The following CPO variants were observed in gnomAD, a reference collection of about 807,000 sequenced individuals.
CPO encodes metallocarboxypeptidase C.
Under a neutral mutation model 41.2 loss-of-function variants are expected in CPO, and 43 were observed. The ratio of observed to expected loss-of-function variants is 1.04; its 90% CI spans 0.82 to 1.35. The LOEUF (loss-of-function observed/expected upper bound fraction) is 1.35. CPO is among the 40% of genes most tolerant of loss of function. The probability of loss-of-function intolerance (pLI) is 0.00; values close to 1 mark genes in which losing one functional copy is unlikely to be tolerated. For synonymous variants in CPO, 178 were observed against 162.7 expected (o/e 1.09, Z -0.72); for missense variants, 408 against 451.7 (o/e 0.90, Z 0.88).
At chr2:206,949,955 C>T (rs1241941785) in intron 2 of CPO, among the ~76,000 whole-genome samples, 2 of 152,256 alleles carry the variant, frequency 1.3e-5, no homozygotes, top group South Asian at 4.2e-4. Flanking sequence ...TGAACAAGAA[C>T]ATCCCAACGA....
rs1184409824 is a variant in CPO, at chr2:206,958,393, G to T, written c.360G>T (p.Trp120Cys). The T allele has an allele frequency of 1.9e-6, 3 of 1,582,268 alleles. No individual in the cohort carries two copies. In the Admixed American group the frequency reaches 5.2e-5, roughly 27 times the overall value. ...GGATTGCTCCTGCTTTTTGCCAATG[G>T]TTCGTCAAAGAAGTAAGTGTCTTTA... ...REWIAPAFCQ[W>C]FVKEILQNHK... Residue 120 changes from tryptophan to cysteine, a missense_variant, in exon 4 of 9, where the codon TGG (tryptophan) becomes TGT (cysteine). By Grantham distance (215) the Trp-to-Cys change is radical. Coordinates refer to ENST00000272852, the MANE Select transcript of CPO (RefSeq NM_173077.3).
chr2:206,955,242 T>C (rs1007365104), intron 2 of CPO, among the ~76,000 whole-genome samples: 7 of 152,230 alleles, frequency 4.6e-5, no homozygotes, highest in Non-Finnish European at 1.0e-4. Context: ...AATAACTTAT[T>C]GGTAAAGTGC....
chr2:206,969,070 G>C, intron 8 of CPO, 104 bp from the exon 9 acceptor site: 20 of 1,186,364 alleles, frequency 1.7e-5, no homozygotes, highest in Non-Finnish European at 2.4e-5. Context: ...ATCTAAAAGA[G>C]CTTCTTTATT....
intron 1 of CPO, among the ~76,000 whole-genome samples, chr2:206,943,236 G>C (rs1368734284): frequency 6.6e-6 from 1 of 152,090 alleles, no homozygotes; most frequent in African/African-American, 2.4e-5. Flanking sequence ...GTGAAGGAAG[G>C]AAGAACAGCC....
At chr2:206,960,487 C>A (rs190847324) in intron 5 of CPO, among the ~76,000 whole-genome samples, 1 of 152,224 alleles carries the variant, frequency 6.6e-6, no homozygotes, top group African/African-American at 2.4e-5. Flanking sequence ...ATCTGTCAAG[C>A]TATTTCCCTT....
In CPO at chr2:206,950,416, A is replaced by C. The variant is rs927169209; in HGVS notation, c.165+703A>C. On this transcript the variant is annotated intron_variant, in intron 2 of 8. Coordinates refer to ENST00000272852, the MANE Select transcript of CPO (RefSeq NM_173077.3). ...ACGTCTAGAATGGCGATCATTAAAA[A>C]GTCAGAAAACAACAGATGTTGGAGA... Among the ~76,000 whole-genome samples, 14 of 152,332 alleles carry C rather than the reference A, an allele frequency of 9.2e-5. No individual in the cohort carries two copies. The East Asian group carries it at 2.5e-3, about 27-fold the overall frequency.
chr2:206,944,521 T>C (rs1693105492), intron 1 of CPO, among the ~76,000 whole-genome samples: 2 of 152,050 alleles, frequency 1.3e-5, no homozygotes, highest in South Asian at 2.1e-4. Context: ...GCTATTACAA[T>C]GTAAATAACA....
At chr2:206,959,316 TA>T (rs1693434426) in intron 4 of CPO, among the ~76,000 whole-genome samples, 1 of 152,090 alleles carries the variant, frequency 6.6e-6, no homozygotes, top group African/African-American at 2.4e-5. Context: ...ACTGCAAACT[TA>T]CTAGAAATAC....
intron 1 of CPO, among the ~76,000 whole-genome samples, chr2:206,947,357 T>A (rs1019930731): frequency 1.3e-5 from 2 of 152,108 alleles, no homozygotes; most frequent in Admixed American, 6.6e-5. Context: ...AAATGCAAAA[T>A]AAGTAAATCT....
intron 3 of CPO, 145 bp downstream of exon 3, chr2:206,955,709 G>A: frequency 3.2e-6 from 2 of 628,938 alleles, no homozygotes; most frequent in South Asian, 3.8e-5. Context: ...GGCTCTTAAA[G>A]TTCAAAACTC....
chr2:206,968,324 T>C lies in CPO; in HGVS notation c.839T>C (p.Val280Ala). ...GCAAAGTATGGAACCAATTATAGAG[T>C]TGGATCGAGTGCAGATATTTTATGT... ...LKAKYGTNYR[V>A]GSSADILYAS... Residue 280 changes from valine to alanine, a missense_variant, in exon 8 of 9, where the codon GTT (valine) becomes GCT (alanine). Physicochemically the swap from Val to Ala is moderately conservative, Grantham distance 64. Coordinates refer to ENST00000272852, the MANE Select transcript of CPO (RefSeq NM_173077.3). 1.9e-6 allele frequency: 3 copies of C among 1,608,556 alleles called. No individual in the cohort carries two copies. Among genetic ancestry groups the C allele is most frequent in the Non-Finnish European group, 2.6e-6 (3 of 1,175,072 alleles).
intron 1 of CPO, among the ~76,000 whole-genome samples, chr2:206,948,015 G>A (rs1693178675): frequency 6.6e-6 from 1 of 152,164 alleles, no homozygotes; most frequent in South Asian, 2.1e-4. Context: ...AAGACAGTTT[G>A]GCAATTTCTT....
At chr2:206,942,872 G>A (rs573355581) in intron 1 of CPO, among the ~76,000 whole-genome samples, 14 of 152,134 alleles carry the variant, frequency 9.2e-5, no homozygotes, top group Non-Finnish European at 7.4e-5. Flanking sequence ...TACATATTGT[G>A]TTTCAGTTTC....
rs1226125132 is a variant in CPO at position 206,943,725 on chromosome 2, AGAT to A, written c.68+4062_68+4064del. Among the ~76,000 whole-genome samples, 355 of 128,144 alleles carry A rather than the reference AGAT, an allele frequency of 2.8e-3. 2 individuals carry two copies. The highest frequency in any genetic ancestry group is 4.6e-3 in the Admixed American group (57 of 12,486). 84.1% of individuals were successfully genotyped at this position (128,144 alleles called of 152,430 possible). On this transcript the variant is annotated intron_variant, in intron 1 of 8. Coordinates refer to ENST00000272852, the MANE Select transcript of CPO (RefSeq NM_173077.3). ...ATAGATAGATAGATAGATGATGGATAGATGATAGATAGATAGATAGATAGATAG... is the reference window on the plus strand; with the variant it reads ...ATAGATAGATAGATAGATGATGGATAGATAGATAGATAGATAGATAGATAG...
chr2:206,943,048 G>T (rs1276013623), intron 1 of CPO, among the ~76,000 whole-genome samples: 3 of 152,136 alleles, frequency 2.0e-5, no homozygotes, highest in African/African-American at 7.2e-5. Flanking sequence ...ATGCCTGAGG[G>T]TGTTAGGTTA....
chr2:206,951,597 A>C (rs913998224), intron 2 of CPO, among the ~76,000 whole-genome samples: 2 of 152,222 alleles, frequency 1.3e-5, no homozygotes, highest in African/African-American at 4.8e-5. Flanking sequence ...AGTCACCCCA[A>C]AGTACTGAAA....
rs535347113 is a variant in CPO at position 206,948,570 on chromosome 2, C to G, written c.69-1047C>G. ...CTTGAGGCCGGGAGTTTGAGAACAG[C>G]CTGAGCAACACAGTGAGACCTTGTC... is the stretch of plus-strand genomic sequence containing the variant. On this transcript the variant is annotated intron_variant, in intron 1 of 8. Coordinates refer to ENST00000272852, the MANE Select transcript of CPO (RefSeq NM_173077.3). Among the ~76,000 whole-genome samples, 19 of 152,172 alleles carry G rather than the reference C, an allele frequency of 1.2e-4. 1 individual carries two copies. Among genetic ancestry groups the G allele is most frequent in the Admixed American group, 4.6e-4 (7 of 15,270 alleles).
intron 2 of CPO, among the ~76,000 whole-genome samples, 194 bp from the exon 3 acceptor site, chr2:206,955,269 A>T (rs1374751484): frequency 6.6e-6 from 1 of 152,218 alleles, no homozygotes; most frequent in East Asian, 1.9e-4. Flanking sequence ...AGAACCTAAG[A>T]CTTGGTGACA....
intron 3 of CPO, among the ~76,000 whole-genome samples, chr2:206,957,149 G>A (rs184377288): frequency 1.1e-3 from 174 of 152,056 alleles, no homozygotes; most frequent in African/African-American, 3.9e-3. Context: ...AGGCTGAGGC[G>A]GGTGGAACAC....
Sources: allele counts gnomAD v4.1 joint callset (sites outside exome capture counted in the v4.1 genomes callset), GRCh38; gene constraint gnomAD v4.1.1; transcripts MANE v1.5; gene names NCBI Gene and HGNC (gene_info 2026-07-23, HGNC 2026-07-21).